Variants in BLK observed in about 807,000 individuals in gnomAD.
BLK encodes the protein tyrosine-protein kinase Blk.
BLK carries 64 observed loss-of-function variants against 61.8 expected under a neutral mutation model. The observed-to-expected ratio is 1.03, with a 90% confidence interval of 0.85 to 1.27. The LOEUF is 1.27. BLK is among the 50% of genes most tolerant of loss of function. BLK has a pLI of 0.00. For missense variants in BLK, 853 were observed against 660.5 expected (o/e 1.29, Z -3.19); for synonymous variants, 351 against 272.0 (o/e 1.29, Z -2.86).
At position 11,555,683 on chromosome 8, in the gene BLK, T is replaced by C. The variant is rs73195298; in HGVS notation, c.772+199T>C. 96,769 of 808,532 alleles carry C rather than the reference T, an allele frequency of 0.12. 6,400 individuals are homozygous for C. Among genetic ancestry groups the C allele is most frequent in the South Asian group, 0.15 (9,485 of 61,958 alleles). The allele number at this position is 808,532 out of a possible 1,614,324, so 50.1% of individuals were successfully genotyped here. On this transcript the variant is annotated intron_variant, in intron 8 of 12. Transcript: ENST00000259089. ...GCGTTGTAACAGCTGGGACCGCTTA[T>C]GGTGGTGGCAGAGCAGGAACAGAAT...
At chr8:11,510,039 T>G (rs1420499488) in intron 1 of BLK, 1 of 152,250 alleles carries the variant, frequency 6.6e-6, no homozygotes, top group Non-Finnish European at 1.5e-5. Flanking sequence ...TATCACCATT[T>G]CAATCAGGTG....
intron 8 of BLK, chr8:11,555,703 C>A: frequency 2.8e-6 from 2 of 705,104 alleles, no homozygotes; most frequent in Non-Finnish European, 4.8e-6. Context: ...AGAGCAGGAA[C>A]AGAATCCAGC....
intron 1 of BLK, among the ~76,000 whole-genome samples, chr8:11,541,468 C>CCAG (rs1034242093): frequency 4.0e-5 from 6 of 151,852 alleles, no homozygotes; most frequent in African/African-American, 1.4e-4. Flanking sequence ...AATTCAGTAG[C>CCAG]CAGCCGCAAT....
chr8:11,556,588 T>C, intron 8 of BLK, 70 bp from the exon 9 acceptor site: 1 of 1,600,248 alleles, frequency 6.2e-7, no homozygotes, highest in Admixed American at 1.7e-5. Context: ...TTACCCCGAT[T>C]TTGGTTAAGG....
chr8:11,564,510 G>T lies in BLK; in HGVS notation c.*402G>T, dbSNP rs1223878319. 2.0e-6 allele frequency: 1 copy of T among 496,524 alleles called. No homozygotes were observed. Among genetic ancestry groups the T allele is most frequent in the South Asian group, 1.5e-5 (1 of 64,800 alleles). The allele number at this position is 496,524 out of a possible 1,614,324, so 30.8% of individuals were successfully genotyped here. A position where few individuals can be genotyped will look rare whatever the true frequency, so the allele number is the denominator to read the frequency against. Reference sequence around the variant, plus strand: ...CCTGCCCCGCTACAGAAGCCAGACTGGGTCCCGCGGACGCCAGCAGGGGCA... The same window carrying T: ...CCTGCCCCGCTACAGAAGCCAGACTTGGTCCCGCGGACGCCAGCAGGGGCA... On this transcript the variant is annotated 3_prime_UTR_variant, in exon 13 of 13. Transcript: ENST00000259089.
At chr8:11,556,435 GC>G (rs977700395) in intron 8 of BLK, 11 of 594,450 alleles carry the variant, frequency 1.9e-5, no homozygotes, top group Non-Finnish European at 3.0e-5. Context: ...TAGGTGAAAT[GC>G]CCCCCAGGCA....
At chr8:11,506,269 A>G (rs1283751118) in intron 1 of BLK, among the ~76,000 whole-genome samples, 2 of 152,224 alleles carry the variant, frequency 1.3e-5, no homozygotes, top group Admixed American at 1.3e-4. Flanking sequence ...AGGGGAGGAC[A>G]ATGCCAGGGC....
At chr8:11,542,301 T>C (rs1039056215) in intron 1 of BLK, among the ~76,000 whole-genome samples, 7 of 152,260 alleles carry the variant, frequency 4.6e-5, no homozygotes, top group African/African-American at 1.7e-4. Context: ...CATCTTAGAA[T>C]TGATGAAATA....
intron 8 of BLK, 53 bp downstream of exon 8, chr8:11,555,537 A>C: frequency 1.2e-6 from 2 of 1,612,096 alleles, no homozygotes; most frequent in Non-Finnish European, 1.7e-6. Context: ...CCTGCGCCGC[A>C]TCCTGAGTCC....
At chr8:11,497,407 G>A (rs1267848152) in intron 1 of BLK, among the ~76,000 whole-genome samples, 7 of 152,036 alleles carry the variant, frequency 4.6e-5, no homozygotes, top group Admixed American at 2.6e-4. Context: ...TTGCTCTGAC[G>A]TCCAGGGCAG....
At chr8:11,546,415 T>C (rs1210199703) in intron 3 of BLK, among the ~76,000 whole-genome samples, 1 of 152,200 alleles carries the variant, frequency 6.6e-6, no homozygotes, top group African/African-American at 2.4e-5. Flanking sequence ...TAAAATATGC[T>C]AACTCTCAAA....
At chr8:11,511,253 T>A (rs538767167) in intron 1 of BLK, among the ~76,000 whole-genome samples, 22 of 152,036 alleles carry the variant, frequency 1.4e-4, no homozygotes, top group Non-Finnish European at 2.2e-4. Context: ...TGAGAACACA[T>A]GGACACAGGA....
At chr8:11,510,901 T>C (rs888912681) in intron 1 of BLK, among the ~76,000 whole-genome samples, 7 of 152,230 alleles carry the variant, frequency 4.6e-5, no homozygotes, top group African/African-American at 1.4e-4. Flanking sequence ...TGTGTTAAAG[T>C]ACGAGATTCT....
chr8:11,509,222 C>T (rs1372676179), intron 1 of BLK: 4 of 152,060 alleles, frequency 2.6e-5, no homozygotes, highest in Non-Finnish European at 2.9e-5. Context: ...TCACAGCACC[C>T]GAAGGGATGT....
At chr8:11,506,398 A>G (rs1410841862) in intron 1 of BLK, among the ~76,000 whole-genome samples, 2 of 152,196 alleles carry the variant, frequency 1.3e-5, no homozygotes, top group African/African-American at 4.8e-5. Context: ...ACTGTTGGCC[A>G]TGGCACTAGT....
chr8:11,521,518 T>C (rs533834978), intron 1 of BLK, among the ~76,000 whole-genome samples: 2 of 152,366 alleles, frequency 1.3e-5, no homozygotes, highest in South Asian at 4.1e-4. Context: ...CTCGAATTCC[T>C]GGGCTTAAGT....
intron 1 of BLK, among the ~76,000 whole-genome samples, chr8:11,502,419 T>A (rs1798597677): frequency 6.6e-6 from 1 of 152,142 alleles, no homozygotes; most frequent in Non-Finnish European, 1.5e-5. Context: ...TTCTCCTGCC[T>A]CATCCTCCCA....
At chr8:11,498,215 A>G (rs1315095307) in intron 1 of BLK, among the ~76,000 whole-genome samples, 1 of 152,208 alleles carries the variant, frequency 6.6e-6, no homozygotes, top group Admixed American at 6.5e-5. Flanking sequence ...GGAGGCTCCC[A>G]TGCTCAGGTC....
chr8:11,500,324 G>C (rs574738302), intron 1 of BLK, among the ~76,000 whole-genome samples: 1 of 152,136 alleles, frequency 6.6e-6, no homozygotes, highest in African/African-American at 2.4e-5. Flanking sequence ...CTCCCGAGTA[G>C]CTAGGACTAC....
Sources: gnomAD v4.1 joint callset for allele counts (sites outside exome capture counted in the v4.1 genomes callset) on GRCh38, gnomAD v4.1.1 for gene constraint, MANE v1.5 for transcripts, NCBI Gene and HGNC (gene_info 2026-07-23, HGNC 2026-07-21) for gene names.